Variants in SETD2 observed in about 807,000 individuals in gnomAD.
The protein encoded by SETD2 is histone-lysine N-methyltransferase SETD2.
A neutral mutation model predicts 242.1 loss-of-function variants in SETD2; 31 were observed. The ratio of observed to expected loss-of-function variants is 0.13; its 90% CI spans 0.10 to 0.17. SETD2 has a LOEUF of 0.17. Among genes scored for constraint, SETD2 ranks in the 10% least tolerant of loss-of-function variants. The probability of loss-of-function intolerance (pLI) is 1.00; values close to 1 mark genes in which losing one functional copy is unlikely to be tolerated. For missense variants in SETD2, 2,481 were observed against 3,046.3 expected (o/e 0.81, Z 4.37); for synonymous variants, 1,006 against 1,066.5 (o/e 0.94, Z 1.11).
chr3:47,156,381 G>A (rs1315100427), intron 1 of SETD2, among the ~76,000 whole-genome samples: 4 of 152,194 alleles, frequency 2.6e-5, no homozygotes, highest in African/African-American at 9.7e-5. Context: ...ATGACTGATA[G>A]ATAATCTTGT....
At chr3:47,147,322 C>CTT (rs2043879383) in intron 1 of SETD2, among the ~76,000 whole-genome samples, 1 of 97,932 alleles carries the variant, frequency 1.0e-5, no homozygotes, top group South Asian at 3.4e-4. Flanking sequence ...CACTGCATGT[C>CTT]ATTTTTTTTT....
intron 18 of SETD2, among the ~76,000 whole-genome samples, chr3:47,022,742 A>G (rs2038288414): frequency 6.6e-6 from 1 of 152,240 alleles, no homozygotes; most frequent in South Asian, 2.1e-4. Flanking sequence ...AGAAAGCCAG[A>G]GCTTACTGCC....
intron 16 of SETD2, among the ~76,000 whole-genome samples, chr3:47,042,995 T>C (rs578118059): frequency 1.6e-4 from 24 of 146,672 alleles, no homozygotes; most frequent in Admixed American, 5.5e-4. Context: ...AACTGCAGGA[T>C]ACCAATTAAC....
chr3:47,031,898 AT>A (rs2038787114), intron 18 of SETD2, among the ~76,000 whole-genome samples: 1 of 152,230 alleles, frequency 6.6e-6, no homozygotes, highest in African/African-American at 2.4e-5. Context: ...TAACAATAAT[AT>A]AATTTTTTGT....
At chr3:47,117,809 T>G (rs938604503) in intron 3 of SETD2, among the ~76,000 whole-genome samples, 2 of 152,176 alleles carry the variant, frequency 1.3e-5, no homozygotes, top group African/African-American at 4.8e-5. Flanking sequence ...CATGCCAGAG[T>G]GTGCAAAGCA....
chr3:47,157,572 A>G (rs1421955603), intron 1 of SETD2: 3 of 455,806 alleles, frequency 6.6e-6, no homozygotes, highest in South Asian at 3.1e-5. Flanking sequence ...TCCATTCAAT[A>G]CTAACAATAA....
chr3:47,121,932 C>T lies in SETD2; in HGVS notation c.2704G>A (p.Glu902Lys), dbSNP rs58906143. ...VDSLTLLKCG[E>K]NTSPVLDAVL... ...GCATCCAGAACTGGAGATGTGTTCT[C>T]TCCGCATTTCAAGAGAGTTAGACTG... The change falls in exon 3 of 21, where the codon GAG (glutamate) becomes AAG (lysine). Residue 902 changes from glutamate (E) to lysine (K), a missense_variant. By Grantham distance (56) the Glu-to-Lys change is moderately conservative. This residue lies in a region of SETD2 where 1,300 missense variants were observed against 1,259.2 expected (regional missense o/e 1.03). Transcript: ENST00000409792. 1 of 1,613,804 alleles carries T rather than the reference C, an allele frequency of 6.2e-7. No individual in the cohort carries two copies. Among genetic ancestry groups the T allele is most frequent in the Non-Finnish European group, 8.5e-7 (1 of 1,180,006 alleles).
At chr3:47,156,027 A>T (rs1405717249) in intron 1 of SETD2, among the ~76,000 whole-genome samples, 1 of 152,118 alleles carries the variant, frequency 6.6e-6, no homozygotes, top group Non-Finnish European at 1.5e-5. Flanking sequence ...CTTTTTTAAG[A>T]AACTGAGCAA....
At chr3:47,125,343 A>T (rs61283069) in intron 2 of SETD2, among the ~76,000 whole-genome samples, 5 of 18,580 alleles carry the variant, frequency 2.7e-4, no homozygotes, top group Admixed American at 6.1e-4. Flanking sequence ...TTTAAAAATT[A>T]AAAAAAAAAA....
At chr3:47,058,603 C>G (rs1478373046) in intron 14 of SETD2, among the ~76,000 whole-genome samples, 1 of 150,956 alleles carries the variant, frequency 6.6e-6, no homozygotes, top group East Asian at 2.0e-4. Flanking sequence ...AAAAACCTAC[C>G]GAGACACAAA....
rs534894471 is a variant in SETD2 at position 47,079,667 on chromosome 3, C to T, written c.6060+4053G>A. ...GCTTTGTGAGCCATCCAGTCTTTCT[C>T]ACAACTACTCAACTCTACCACTGAA... is the stretch of plus-strand genomic sequence containing the variant. On this transcript the variant is annotated intron_variant, in intron 12 of 20. Transcript: ENST00000409792. Among the ~76,000 whole-genome samples, 49 of 152,278 alleles carry T rather than the reference C, an allele frequency of 3.2e-4. No individual in the cohort carries two copies. In the South Asian group the frequency reaches 0.01, roughly 32 times the overall value.
In SETD2 at chr3:47,029,812, A is replaced by G. The variant is rs150700410; in HGVS notation, c.7350+7854T>C. Among the ~76,000 whole-genome samples, 253 of 152,312 alleles carry G rather than the reference A, an allele frequency of 1.7e-3. 2 individuals are homozygous for G. Among genetic ancestry groups the G allele is most frequent in the African/African-American group, 5.4e-3 (225 of 41,576 alleles). ...CAGTTTTTCAGTTAAACATATTCCT[A>G]AAAATAGCATTTTATTCTGGGACTT... On this transcript the variant is annotated intron_variant, in intron 18 of 20. Coordinates refer to ENST00000409792, the MANE Select transcript of SETD2 (RefSeq NM_014159.7).
intron 1 of SETD2, among the ~76,000 whole-genome samples, chr3:47,128,548 G>A (rs950117114): frequency 2.0e-5 from 3 of 152,062 alleles, no homozygotes; most frequent in Non-Finnish European, 2.9e-5. Flanking sequence ...CATTCCATTC[G>A]CCAGTGTCTG....
chr3:47,054,004 A>G (rs2039955826), intron 15 of SETD2, among the ~76,000 whole-genome samples: 2 of 152,228 alleles, frequency 1.3e-5, no homozygotes, highest in Admixed American at 6.5e-5. Flanking sequence ...GCCTGTTTCT[A>G]GGATGCACAG....
chr3:47,018,865 C>G (rs2038094674), intron 19 of SETD2, among the ~76,000 whole-genome samples: 2 of 152,250 alleles, frequency 1.3e-5, no homozygotes, highest in Admixed American at 1.3e-4. Context: ...GATGCTCTCT[C>G]TTGCCTCTGT....
chr3:47,106,187 G>C (rs1227167143), intron 5 of SETD2, 67 bp from the exon 6 acceptor site: 40 of 1,409,750 alleles, frequency 2.8e-5, no homozygotes, highest in Non-Finnish European at 1.9e-6. Flanking sequence ...TATATGCTCA[G>C]GCAAAAATAA....
At chr3:47,155,720 C>T (rs2044111245) in intron 1 of SETD2, among the ~76,000 whole-genome samples, 1 of 152,236 alleles carries the variant, frequency 6.6e-6, no homozygotes, top group East Asian at 1.9e-4. Flanking sequence ...GTGGGAGGAT[C>T]GCTTGAGCCT....
At chr3:47,104,829 TG>T (rs34759166) in intron 6 of SETD2, among the ~76,000 whole-genome samples, 1 of 152,218 alleles carries the variant, frequency 6.6e-6, no homozygotes, top group African/African-American at 2.4e-5. Flanking sequence ...CCCAACGCTC[TG>T]GGAGGCCAAT....
intron 18 of SETD2, among the ~76,000 whole-genome samples, chr3:47,021,335 G>C (rs1466567011): frequency 2.0e-5 from 3 of 152,168 alleles, no homozygotes; most frequent in African/African-American, 4.8e-5. Context: ...TCCTATAGAA[G>C]AGGCCATGCT....
Sources: gnomAD v4.1 joint callset for allele counts (sites outside exome capture counted in the v4.1 genomes callset) on GRCh38, gnomAD v4.1.1 for gene constraint, gnomAD v4.1.1 regional missense constraint, MANE v1.5 for transcripts, NCBI Gene and HGNC (gene_info 2026-07-23, HGNC 2026-07-21) for gene names.